ZNF277: variants seen among roughly 807,000 people sequenced by gnomAD.
ZNF277 encodes the protein nuclear receptor-interacting factor 4.
ZNF277 carries 55 observed loss-of-function variants against 60.7 expected under a neutral mutation model. The observed-to-expected ratio is 0.91, with a 90% CI of 0.73 to 1.13. The LOEUF is 1.13. Ranked by LOEUF, ZNF277 falls within the 50% of genes most tolerant of loss-of-function variation. ZNF277 has a pLI of 0.00. For missense variants in ZNF277, 510 were observed against 523.0 expected (o/e 0.98, Z 0.24); for synonymous variants, 178 against 179.3 (o/e 0.99, Z 0.06).
chr7:112,223,809 C>A (rs1031411009), intron 1 of ZNF277, among the ~76,000 whole-genome samples: 2 of 152,206 alleles, frequency 1.3e-5, no homozygotes, highest in East Asian at 1.9e-4. Flanking sequence ...GTATTACAGA[C>A]AACCATAGTC....
chr7:112,341,915 T>C (rs897872494), intron 11 of ZNF277, among the ~76,000 whole-genome samples: 3 of 152,180 alleles, frequency 2.0e-5, no homozygotes, highest in Non-Finnish European at 4.4e-5. Context: ...TTATATAAAT[T>C]AAAATTTGTA....
At chr7:112,258,818 T>C (rs1284970959) in intron 1 of ZNF277, among the ~76,000 whole-genome samples, 1 of 152,140 alleles carries the variant, frequency 6.6e-6, no homozygotes, top group Non-Finnish European at 1.5e-5. Flanking sequence ...AAAAGAATTC[T>C]TTCTGTGGTT....
intron 1 of ZNF277, among the ~76,000 whole-genome samples, chr7:112,227,306 C>G (rs1356061138): frequency 1.3e-5 from 2 of 151,902 alleles, no homozygotes; most frequent in African/African-American, 4.8e-5. Context: ...AAAGAAAAAC[C>G]TTAGACAAAT....
Position 112,337,730 on chromosome 7 carries a change from T to C in ZNF277, c.870T>C (p.Asp290=), listed in dbSNP as rs1397757802. Residue 290 remains aspartate, a splice_region_variant and synonymous_variant, in exon 9 of 12, where the codon GAT becomes GAC. Coordinates refer to ENST00000361822, the MANE Select transcript of ZNF277 (RefSeq NM_021994.3). ...TTTTCTCTCCTCTTTTTTAATTCAG[T>C]GACTGGTCTGATTGGGAAGAACACC... is the stretch of plus-strand genomic sequence containing the variant. ...DDRELLDHQE[D]DWSDWEEHPA... 6.2e-7 allele frequency: 1 copy of C among 1,611,092 alleles called. No individual in the cohort carries two copies. The highest frequency in any genetic ancestry group is 1.7e-5 in the Admixed American group (1 of 59,946).
At chr7:112,313,361 C>T (rs919251025) in intron 4 of ZNF277, among the ~76,000 whole-genome samples, 2 of 151,556 alleles carry the variant, frequency 1.3e-5, no homozygotes, top group African/African-American at 4.9e-5. Flanking sequence ...CTCACTGCAG[C>T]CTCAAGCTTC....
chr7:112,336,095 C>A lies in ZNF277; in HGVS notation c.802-9C>A, dbSNP rs750140776. 5.0e-6 allele frequency: 8 copies of A among 1,609,980 alleles called. No individual in the cohort carries two copies. Among genetic ancestry groups the A allele is most frequent in the Non-Finnish European group, 6.8e-6 (8 of 1,177,586 alleles). On this transcript the variant is annotated splice_polypyrimidine_tract_variant and intron_variant, in intron 7 of 11. Transcript: ENST00000361822. ...CAATGTCTCTCATCCCTCTGTTCTT[C>A]CTACAAAGGAACTTGGAAAATCGTG...
chr7:112,334,982 G>A (rs1793302536), intron 7 of ZNF277, among the ~76,000 whole-genome samples: 1 of 152,148 alleles, frequency 6.6e-6, no homozygotes, highest in African/African-American at 2.4e-5. Context: ...CATTATGATA[G>A]ATCTCTGTAT....
chr7:112,209,976 A>C (rs943185027), intron 1 of ZNF277, among the ~76,000 whole-genome samples: 2 of 152,078 alleles, frequency 1.3e-5, no homozygotes, highest in Admixed American at 1.3e-4. Flanking sequence ...GGCAGGGAAC[A>C]TCACATACCC....
chr7:112,307,617 G>A (rs1252942643), intron 4 of ZNF277, among the ~76,000 whole-genome samples: 1 of 151,708 alleles, frequency 6.6e-6, no homozygotes, highest in Non-Finnish European at 1.5e-5. Flanking sequence ...GTTTCACCAT[G>A]TTGGCCAGGC....
intron 1 of ZNF277, among the ~76,000 whole-genome samples, chr7:112,279,868 T>G (rs972973242): frequency 6.6e-6 from 1 of 152,156 alleles, no homozygotes; most frequent in African/African-American, 2.4e-5. Flanking sequence ...TGTCTTCCAC[T>G]TGAGTAGGCT....
rs182780481 is a variant in ZNF277, at chr7:112,298,305, A to G, written c.465+1994A>G. Among the ~76,000 whole-genome samples the G allele has an allele frequency of 5.0e-4, 76 of 152,292 alleles. No homozygotes were observed. In the Middle Eastern group the frequency reaches 0.01, roughly 20 times the overall value. On this transcript the variant is annotated intron_variant, in intron 4 of 11. Coordinates refer to ENST00000361822, the MANE Select transcript of ZNF277 (RefSeq NM_021994.3). ...AGGCACTTAATAAATATTAGCCAAT[A>G]AAAATAACAGTAATAATGCTGTGTC...
chr7:112,304,065 A>G (rs1335939158), intron 4 of ZNF277, among the ~76,000 whole-genome samples: 1 of 152,042 alleles, frequency 6.6e-6, no homozygotes, highest in African/African-American at 2.4e-5. Context: ...TCACTATCTT[A>G]TTTTAGTCAT....
chr7:112,307,474 G>T (rs1384226939), intron 4 of ZNF277, among the ~76,000 whole-genome samples: 1 of 151,978 alleles, frequency 6.6e-6, no homozygotes, highest in Non-Finnish European at 1.5e-5. Flanking sequence ...GAGTGCAGTG[G>T]TGTGATCTCG....
chr7:112,314,812 C>T (rs749686677), intron 4 of ZNF277, among the ~76,000 whole-genome samples: 11 of 151,972 alleles, frequency 7.2e-5, no homozygotes, highest in African/African-American at 1.9e-4. Context: ...CAAAACAAAA[C>T]AACCTAGGTT....
chr7:112,248,700 T>C (rs1387431967), intron 1 of ZNF277, among the ~76,000 whole-genome samples: 1 of 152,112 alleles, frequency 6.6e-6, no homozygotes, highest in African/African-American at 2.4e-5. Context: ...ATGCATTTTT[T>C]TAGTAGGATC....
chr7:112,330,382 T>C, intron 7 of ZNF277, 166 bp downstream of exon 7: 1 of 641,806 alleles, frequency 1.6e-6, no homozygotes, highest in Non-Finnish European at 2.7e-6. Context: ...TACAAGACAT[T>C]TGATTTGACT....
chr7:112,259,985 C>CA (rs1228213581), intron 1 of ZNF277, among the ~76,000 whole-genome samples: 1 of 152,204 alleles, frequency 6.6e-6, no homozygotes, highest in Admixed American at 6.5e-5. Flanking sequence ...ATAAAAGCTA[C>CA]AGGCAGCACA....
chr7:112,256,429 T>G (rs1347101340), intron 1 of ZNF277, among the ~76,000 whole-genome samples: 2 of 143,628 alleles, frequency 1.4e-5, no homozygotes, highest in South Asian at 2.3e-4. Context: ...GAGTTTTTTT[T>G]TTTTTTTTTT....
chr7:112,300,777 C>T (rs543279856), intron 4 of ZNF277, among the ~76,000 whole-genome samples: 5 of 152,168 alleles, frequency 3.3e-5, no homozygotes, highest in Non-Finnish European at 7.4e-5. Flanking sequence ...TGCCTGTTCT[C>T]CTTTTATTAC....
Sources: allele counts gnomAD v4.1 joint callset (sites outside exome capture counted in the v4.1 genomes callset), GRCh38; gene constraint gnomAD v4.1.1; transcripts MANE v1.5; gene names NCBI Gene and HGNC (gene_info 2026-07-23, HGNC 2026-07-21).